Variants in LINGO2 observed in about 807,000 individuals in gnomAD.
LINGO2 encodes leucine-rich repeat and immunoglobulin-like domain-containing nogo receptor-interacting protein 2.
A neutral mutation model predicts 30.6 loss-of-function variants in LINGO2; 14 were observed. That is an observed-to-expected ratio of 0.46 (90% CI 0.30 to 0.72). LINGO2 has a LOEUF of 0.72. LINGO2 is among the 30% of genes least tolerant of loss of function. LINGO2 has a pLI of 0.07. For missense variants in LINGO2, 729 were observed against 751.7 expected (o/e 0.97, Z 0.35); for synonymous variants, 317 against 288.5 (o/e 1.10, Z -1.00).
At chr9:28,185,150 C>T (rs1037776132) in intron 4 of LINGO2, among the ~76,000 whole-genome samples, 3 of 152,136 alleles carry the variant, frequency 2.0e-5, no homozygotes, top group Non-Finnish European at 4.4e-5. Context: ...TTAAGCATTG[C>T]CCTCTTTGGA....
At chr9:28,646,517 A>G (rs759684569) in intron 1 of LINGO2, among the ~76,000 whole-genome samples, 2 of 152,126 alleles carry the variant, frequency 1.3e-5, no homozygotes, top group Non-Finnish European at 2.9e-5. Flanking sequence ...GTAGTCTGGT[A>G]AGAACAGTCT....
the LINGO2 span, among the ~76,000 whole-genome samples, chr9:28,684,166 AATGTTT>A: frequency 4.4e-5 from 6 of 136,694 alleles, no homozygotes; most frequent in African/African-American, 1.5e-4. Context: ...CAGGTTTTAA[AATGTTT>A]ATCTTTTTTT....
chr9:28,084,887 G>C (rs1424612762), intron 4 of LINGO2, among the ~76,000 whole-genome samples: 1 of 152,118 alleles, frequency 6.6e-6, no homozygotes, highest in Non-Finnish European at 1.5e-5. Context: ...AAATGGGTGA[G>C]GGCCCTTGGA....
At chr9:28,189,665 A>AAGGC (rs1819732304) in intron 4 of LINGO2, among the ~76,000 whole-genome samples, 1 of 16,856 alleles carries the variant, frequency 5.9e-5, no homozygotes, top group African/African-American at 2.9e-4. Flanking sequence ...GGAAGGAAGG[A>AAGGC]AGGGAGGAAG....
chr9:29,017,485 C>A, the LINGO2 span, among the ~76,000 whole-genome samples: 1 of 151,956 alleles, frequency 6.6e-6, no homozygotes, highest in East Asian at 1.9e-4. Context: ...GTAGTAATAG[C>A]AATATTAAAA....
At chr9:28,039,836 G>C (rs528773364) in intron 4 of LINGO2, among the ~76,000 whole-genome samples, 1 of 152,242 alleles carries the variant, frequency 6.6e-6, no homozygotes, top group Non-Finnish European at 1.5e-5. Flanking sequence ...AGGCTTATGA[G>C]AATTTCCATT....
the LINGO2 span, among the ~76,000 whole-genome samples, chr9:28,707,135 T>G: frequency 5.3e-5 from 8 of 152,278 alleles, no homozygotes; most frequent in East Asian, 9.6e-4. Flanking sequence ...CACAACTGTA[T>G]TCTTATATCC....
At chr9:29,032,620 T>G in the LINGO2 span, among the ~76,000 whole-genome samples, 21 of 152,290 alleles carry the variant, frequency 1.4e-4, no homozygotes, top group Non-Finnish European at 2.8e-4. Context: ...AGCCTCAGAT[T>G]CTGTTGTGTA....
At chr9:28,513,221 C>CCAAT (rs1046049179) in intron 1 of LINGO2, among the ~76,000 whole-genome samples, 8 of 152,000 alleles carry the variant, frequency 5.3e-5, no homozygotes, top group African/African-American at 9.7e-5. Flanking sequence ...ACCTTTTATA[C>CCAAT]CAATCAATCA....
the LINGO2 span, among the ~76,000 whole-genome samples, chr9:28,889,942 C>A: frequency 6.6e-6 from 1 of 151,976 alleles, no homozygotes; most frequent in Non-Finnish European, 1.5e-5. Context: ...AATAAATATT[C>A]CACTATCTCT....
At chr9:28,955,802 C>T in the LINGO2 span, among the ~76,000 whole-genome samples, 1 of 151,950 alleles carries the variant, frequency 6.6e-6, no homozygotes, top group African/African-American at 2.4e-5. Context: ...AGTAAGGAAC[C>T]ACTTTGGATG....
chr9:28,386,581 C>T (rs1286596380), intron 2 of LINGO2, among the ~76,000 whole-genome samples: 1 of 152,112 alleles, frequency 6.6e-6, no homozygotes, highest in African/African-American at 2.4e-5. Context: ...ACAATATCTT[C>T]AATAAATACA....
At chr9:28,617,205 C>A (rs547972203) in intron 1 of LINGO2, among the ~76,000 whole-genome samples, 1 of 152,124 alleles carries the variant, frequency 6.6e-6, no homozygotes, top group Non-Finnish European at 1.5e-5. Flanking sequence ...TAATTAGTTT[C>A]ATGATTATAG....
At chr9:28,612,584 G>C (rs1825967070) in intron 1 of LINGO2, among the ~76,000 whole-genome samples, 1 of 152,134 alleles carries the variant, frequency 6.6e-6, no homozygotes, top group South Asian at 2.1e-4. Flanking sequence ...GGGGCTTGTA[G>C]ACCCTTTGTT....
At chr9:28,417,684 C>T (rs531200799) in intron 2 of LINGO2, among the ~76,000 whole-genome samples, 1 of 152,156 alleles carries the variant, frequency 6.6e-6, no homozygotes, top group Admixed American at 6.6e-5. Context: ...AAATGCCATT[C>T]CTACTTTCAA....
chr9:28,213,312 A>T (rs995909222), intron 4 of LINGO2, among the ~76,000 whole-genome samples: 4 of 151,548 alleles, frequency 2.6e-5, no homozygotes, highest in Admixed American at 1.3e-4. Flanking sequence ...TCTAGAAAAA[A>T]AATTAACAAG....
At chr9:28,605,665 C>A (rs1282543612) in intron 1 of LINGO2, among the ~76,000 whole-genome samples, 1 of 152,054 alleles carries the variant, frequency 6.6e-6, no homozygotes, top group Non-Finnish European at 1.5e-5. Flanking sequence ...TTCTTCCTCA[C>A]AAGCTGTCTT....
At chr9:28,142,466 T>C (rs941577106) in intron 4 of LINGO2, among the ~76,000 whole-genome samples, 7 of 152,178 alleles carry the variant, frequency 4.6e-5, no homozygotes, top group African/African-American at 1.7e-4. Context: ...TTTTTTGTTG[T>C]TGTTCAGGAT....
chr9:28,105,099 T>C (rs1306977774), intron 4 of LINGO2, among the ~76,000 whole-genome samples: 2 of 152,156 alleles, frequency 1.3e-5, no homozygotes, highest in Admixed American at 6.6e-5. Context: ...CTTTATTCTC[T>C]GTGTATGCAG....
Sources: gnomAD v4.1 joint callset for allele counts (sites outside exome capture counted in the v4.1 genomes callset) on GRCh38, gnomAD v4.1.1 for gene constraint, MANE v1.5 for transcripts, NCBI Gene and HGNC (gene_info 2026-07-23, HGNC 2026-07-21) for gene names.